The following C7 variants were observed in gnomAD, a reference collection of about 807,000 sequenced individuals.
C7 encodes complement C7.
A neutral mutation model predicts 104.8 loss-of-function variants in C7; 83 were observed. The ratio of observed to expected loss-of-function variants is 0.79; its 90% CI spans 0.66 to 0.95. C7 has a LOEUF of 0.95. Among genes scored for constraint, C7 ranks in the 40% least tolerant of loss-of-function variants. The pLI is 0.00. For missense variants in C7, 1,070 were observed against 1,011.2 expected (o/e 1.06, Z -0.79); for synonymous variants, 415 against 360.6 (o/e 1.15, Z -1.71).
intron 1 of C7, 140 bp downstream of exon 1, chr5:40,909,756 G>A: frequency 2.0e-6 from 1 of 488,928 alleles, no homozygotes; most frequent in African/African-American, 2.0e-5. Flanking sequence ...GGAAAATACA[G>A]AAGAAAAAGA....
At chr5:40,915,323 A>G (rs1418262553) in intron 1 of C7, among the ~76,000 whole-genome samples, 5 of 152,170 alleles carry the variant, frequency 3.3e-5, no homozygotes, top group African/African-American at 1.2e-4. Context: ...GAGGTGGGGA[A>G]GAGGAGTCAG....
intron 14 of C7, among the ~76,000 whole-genome samples, chr5:40,968,062 T>A (rs1211057928): frequency 2.0e-5 from 3 of 152,186 alleles, no homozygotes; most frequent in Non-Finnish European, 4.4e-5. Flanking sequence ...GACCATTATA[T>A]TTTTTAACAT....
At chr5:40,926,947 A>T (rs570109120) in intron 1 of C7, among the ~76,000 whole-genome samples, 1 of 147,824 alleles carries the variant, frequency 6.8e-6, no homozygotes. Flanking sequence ...TAAGGCAATC[A>T]TGGGCAAAAA....
At chr5:40,981,260 G>C in intron 17 of C7, 132 bp from the exon 18 acceptor site, 1 of 860,840 alleles carries the variant, frequency 1.2e-6, no homozygotes, top group Non-Finnish European at 1.8e-6. Context: ...TTTTCCAGGG[G>C]ATAATTTATT....
At chr5:40,970,142 G>A (rs1047365627) in intron 14 of C7, among the ~76,000 whole-genome samples, 4 of 152,076 alleles carry the variant, frequency 2.6e-5, no homozygotes, top group Admixed American at 1.3e-4. Context: ...TATATTCATG[G>A]AGTATTAGCT....
chr5:40,950,242 CT>C (rs1740139795), intron 9 of C7, among the ~76,000 whole-genome samples: 2 of 151,466 alleles, frequency 1.3e-5, no homozygotes, highest in Non-Finnish European at 3.0e-5. Flanking sequence ...TGTGTTGCTC[CT>C]CTGTCTATTT....
intron 12 of C7, among the ~76,000 whole-genome samples, chr5:40,961,276 G>A (rs1168225434): frequency 6.6e-6 from 1 of 152,166 alleles, no homozygotes; most frequent in Non-Finnish European, 1.5e-5. Flanking sequence ...TTGAGATAAT[G>A]CATATATGCA....
chr5:40,921,681 A>G (rs1224684369), intron 1 of C7, among the ~76,000 whole-genome samples: 1 of 152,156 alleles, frequency 6.6e-6, no homozygotes, highest in African/African-American at 2.4e-5. Flanking sequence ...GCTGAACAGG[A>G]TAGAGAACCA....
intron 14 of C7, among the ~76,000 whole-genome samples, chr5:40,968,584 ATATATATATATATATATTTTTTTTTTTTT>A (rs1382307447): frequency 1.1e-3 from 55 of 50,650 alleles, no homozygotes; most frequent in African/African-American, 3.6e-3. Flanking sequence ...ATATATATAT[ATATATATATATATATATTTTTTTTTTTTT>A]TTTTTTTTTT....
intron 1 of C7, among the ~76,000 whole-genome samples, chr5:40,915,275 TGTTGC>T (rs1739295924): frequency 6.6e-6 from 1 of 152,206 alleles, no homozygotes; most frequent in Non-Finnish European, 1.5e-5. Flanking sequence ...CTCTCATTCC[TGTTGC>T]TCTGATTTTG....
Position 40,909,568 on chromosome 5 carries a change from G to C in C7, c.-43G>C. The stretch of plus-strand genomic sequence containing the variant: ...TGAAAACTTACCCGGCCCTTACAGA[G>C]GAAATCTTCCTCCTCTCTTCTGCCC... On this transcript the variant is annotated 5_prime_UTR_variant, in exon 1 of 18. Coordinates refer to ENST00000313164, the MANE Select transcript of C7 (RefSeq NM_000587.4). 1 of 1,545,962 alleles carries C rather than the reference G, an allele frequency of 6.5e-7. No homozygotes were observed. Among genetic ancestry groups the C allele is most frequent in the African/African-American group, 1.4e-5 (1 of 73,652 alleles).
Position 40,981,269 on chromosome 5 carries a change from T to C in C7, c.2351-123T>C, listed in dbSNP as rs1447948935. On this transcript the variant is annotated intron_variant, in intron 17 of 17. Coordinates refer to ENST00000313164, the MANE Select transcript of C7 (RefSeq NM_000587.4). ...TACTGCTTTTCCAGGGGATAATTTA[T>C]TATGTCATTCCAGGCAGGAGCTTCT... The C allele has an allele frequency of 6.6e-6, 6 of 913,258 alleles. No homozygotes were observed. The East Asian group carries it at 1.3e-4, about 20-fold the overall frequency. 56.6% of individuals were successfully genotyped at this position (913,258 alleles called of 1,614,324 possible).
At chr5:40,958,406 G>T in intron 11 of C7, 145 bp downstream of exon 11, 1 of 535,268 alleles carries the variant, frequency 1.9e-6, no homozygotes. Flanking sequence ...CCTACTTCCA[G>T]ATTATAGCTA....
chr5:40,951,266 T>A (rs59157455), intron 9 of C7, among the ~76,000 whole-genome samples: 22,560 of 152,174 alleles, frequency 0.15, 1,721 homozygotes, highest in South Asian at 0.17. Flanking sequence ...TTCTGAATAT[T>A]AGAGTTTTAT....
At chr5:40,962,754 T>G (rs1193030115) in intron 13 of C7, among the ~76,000 whole-genome samples, 1 of 152,206 alleles carries the variant, frequency 6.6e-6, no homozygotes, top group Non-Finnish European at 1.5e-5. Flanking sequence ...GCTCTCAGTC[T>G]TTATGACGAG....
chr5:40,933,940 CT>C (rs200031049), intron 3 of C7, among the ~76,000 whole-genome samples: 76 of 142,616 alleles, frequency 5.3e-4, no homozygotes, highest in East Asian at 1.8e-3. Flanking sequence ...TTTTTCTTTT[CT>C]TTTTTTTTTT....
At chr5:40,933,632 T>C (rs1169205717) in intron 3 of C7, among the ~76,000 whole-genome samples, 6 of 152,208 alleles carry the variant, frequency 3.9e-5, no homozygotes, top group Non-Finnish European at 8.8e-5. Flanking sequence ...TAGGCTTCTG[T>C]TTTGTAAATT....
At chr5:40,961,604 C>T (rs1037428448) in intron 12 of C7, among the ~76,000 whole-genome samples, 2 of 151,972 alleles carry the variant, frequency 1.3e-5, no homozygotes. Flanking sequence ...AGGCTGGTCT[C>T]GGAACTCCTG....
At chr5:40,938,953 C>A (rs73090507) in intron 6 of C7, among the ~76,000 whole-genome samples, 1 of 152,082 alleles carries the variant, frequency 6.6e-6, no homozygotes, top group Non-Finnish European at 1.5e-5. Context: ...CTCAACACAA[C>A]GAAATTTCTG....
Sources: allele counts gnomAD v4.1 joint callset (sites outside exome capture counted in the v4.1 genomes callset), GRCh38; gene constraint gnomAD v4.1.1; transcripts MANE v1.5; gene names NCBI Gene and HGNC (gene_info 2026-07-23, HGNC 2026-07-21).